Variants in CEP164 observed in about 807,000 individuals in gnomAD.
CEP164 encodes centrosomal protein 164, also known as centrosomal protein of 164 kDa.
Under a neutral mutation model 182.7 loss-of-function variants are expected in CEP164, and 162 were observed. The observed-to-expected ratio is 0.89, with a 90% confidence interval of 0.78 to 1.01. The LOEUF (loss-of-function observed/expected upper bound fraction) is 1.01. Among genes scored for constraint, CEP164 ranks in the 50% least tolerant of loss-of-function variants. CEP164 has a pLI of 0.00. For missense variants in CEP164, 1,735 were observed against 1,790.4 expected (o/e 0.97, Z 0.56); for synonymous variants, 661 against 690.0 (o/e 0.96, Z 0.66).
At chr11:117,380,302 A>T (rs1486279384) in intron 11 of CEP164, among the ~76,000 whole-genome samples, 3 of 152,080 alleles carry the variant, frequency 2.0e-5, no homozygotes, top group Non-Finnish European at 4.4e-5. Context: ...CAGCAGCAGG[A>T]GGCAGGATTT....
rs2047463617 is a variant in CEP164 at position 117,412,524 on chromosome 11, G to C, written c.*356G>C. 4.3e-6 allele frequency: 1 copy of C among 232,510 alleles called. No homozygotes were observed. Among genetic ancestry groups the C allele is most frequent in the Non-Finnish European group, 8.6e-6 (1 of 116,500 alleles). The allele number at this position is 232,510 out of a possible 1,614,324, so 14.4% of individuals were successfully genotyped here. On this transcript the variant is annotated 3_prime_UTR_variant, in exon 33 of 33. Transcript: ENST00000278935. ...CCCTTTGGAGCTGGTTGTTTCCTTG[G>C]CCCTGCAGCGCACTGCTCGGGGCTC...
intron 11 of CEP164, among the ~76,000 whole-genome samples, chr11:117,379,852 CT>C (rs58534321): frequency 0.13 from 15,302 of 116,866 alleles, 1,102 homozygotes; most frequent in Non-Finnish European, 0.18. Context: ...ATAGTTCTTC[CT>C]TTTTTTTTTT....
intron 8 of CEP164, among the ~76,000 whole-genome samples, chr11:117,368,613 C>G (rs1157968266): frequency 6.6e-6 from 1 of 152,180 alleles, no homozygotes; most frequent in Non-Finnish European, 1.5e-5. Context: ...GTTGGCCCTG[C>G]TTGCCGAGTG....
rs1221872173 is a variant in CEP164 at position 117,396,144 on chromosome 11, T to A, written c.3180T>A (p.Asp1060Glu). The A allele has an allele frequency of 6.3e-7, 1 of 1,581,334 alleles. No homozygotes were observed. Among genetic ancestry groups the A allele is most frequent in the African/African-American group, 1.4e-5 (1 of 73,664 alleles). ...ENNASPHFEP[D>E]LHIEDLRKSL... is the part of the protein sequence containing the mutation. Reference sequence around the variant, plus strand: ...ATGCTTCCCCACATTTTGAGCCAGATCTCCATATTGAGGACCTGAGGAAAT... The same window carrying A: ...ATGCTTCCCCACATTTTGAGCCAGAACTCCATATTGAGGACCTGAGGAAAT... The change falls in exon 25 of 33, where the codon GAT (aspartate) becomes GAA (glutamate). Residue 1060 changes from aspartate (D) to glutamate (E), a missense_variant. Coordinates refer to ENST00000278935, the MANE Select transcript of CEP164 (RefSeq NM_014956.5).
intron 4 of CEP164, 91 bp from the exon 5 acceptor site, chr11:117,351,699 C>A: frequency 1.7e-6 from 2 of 1,204,268 alleles, no homozygotes; most frequent in Non-Finnish European, 2.4e-6. Context: ...TCCTCTTTCA[C>A]CTCCTCTCCC....
chr11:117,355,500 C>G, intron 5 of CEP164: 1 of 1,289,132 alleles, frequency 7.8e-7, no homozygotes, highest in Non-Finnish European at 1.0e-6. Flanking sequence ...AAACTGAGCC[C>G]CACTGGCCCT....
At position 117,411,815 on chromosome 11, in the gene CEP164, A is replaced by AG; in HGVS notation, c.4185dup (p.His1396AlafsTer8). ...CCCAGTGAGCAGCTCCGGCTCCTAC[A>AG]GCACTCCCATTCGCAAGTCCCTGAG... is the stretch of plus-strand genomic sequence containing the variant. On this transcript the variant is annotated frameshift_variant, in exon 32 of 33. Coordinates refer to ENST00000278935, the MANE Select transcript of CEP164 (RefSeq NM_014956.5). LOFTEE classifies it high-confidence loss of function. The surrounding 1 kb of genome is among the most constrained non-coding windows in gnomAD (Gnocchi z 4.4). 1 of 1,614,142 alleles carries AG rather than the reference A, an allele frequency of 6.2e-7. No individual in the cohort carries two copies. The highest frequency in any genetic ancestry group is 1.1e-5 in the South Asian group (1 of 91,078).
chr11:117,371,311 G>T lies in CEP164; in HGVS notation c.997G>T (p.Asp333Tyr). 6.2e-7 allele frequency: 1 copy of T among 1,614,212 alleles called. No individual in the cohort carries two copies. Among genetic ancestry groups the T allele is most frequent in the Non-Finnish European group, 8.5e-7 (1 of 1,180,032 alleles). ...CAGGAATCTGGTGACCCCCAAGGCA[G>T]ACCCTACAGGCAGTGAGCCTGCCAA... is the stretch of plus-strand genomic sequence containing the variant. ...ICRNLVTPKA[D>Y]PTGSEPAKAS... is the part of the protein sequence containing the mutation. The change falls in exon 9 of 33, where the codon GAC becomes TAC. Residue 333 changes from aspartate to tyrosine, a missense_variant. Coordinates refer to ENST00000278935, the MANE Select transcript of CEP164 (RefSeq NM_014956.5).
At chr11:117,330,240 T>G (rs1366882843) in intron 1 of CEP164, among the ~76,000 whole-genome samples, 1 of 152,188 alleles carries the variant, frequency 6.6e-6, no homozygotes, top group Non-Finnish European at 1.5e-5. Flanking sequence ...TGTAACACAT[T>G]TTGTAGTCAT....
At position 117,410,893 on chromosome 11, in the gene CEP164, A is replaced by G. The variant is rs770359032; in HGVS notation, c.4162A>G (p.Ser1388Gly). Residue 1388 changes from serine (S) to glycine (G), a missense_variant and splice_region_variant, in exon 31 of 33, where the codon AGT becomes GGT. By Grantham distance (56) the Ser-to-Gly change is moderately conservative (BLOSUM62 0). Coordinates refer to ENST00000278935, the MANE Select transcript of CEP164 (RefSeq NM_014956.5). ...GAGCAGGCTGGGTTACATGTCTGCC[A>G]GGTGAGCCTCCCTGGGGGCTGGTTG... ...LESRLGYMSA[S>G]EQLRLLQHSH... 9.3e-6 allele frequency: 15 copies of G among 1,612,818 alleles called. No homozygotes were observed. Among genetic ancestry groups the G allele is most frequent in the Non-Finnish European group, 8.5e-6 (10 of 1,179,488 alleles).
At chr11:117,366,476 T>C (rs1410252510) in intron 8 of CEP164, among the ~76,000 whole-genome samples, 1 of 151,814 alleles carries the variant, frequency 6.6e-6, no homozygotes, top group East Asian at 1.9e-4. Flanking sequence ...GAGAGAGAGG[T>C]TCATGGAACC....
intron 13 of CEP164, 44 bp downstream of exon 13, chr11:117,381,912 G>A: frequency 1.4e-6 from 2 of 1,446,876 alleles, no homozygotes; most frequent in Non-Finnish European, 1.8e-6. Context: ...AGGGCTGGTG[G>A]CTGCTCTGTG....
At chr11:117,327,604 T>C (rs1231054065), upstream of CEP164, among the ~76,000 whole-genome samples, 1 of 152,016 alleles carries the variant, frequency 6.6e-6, no homozygotes, top group Non-Finnish European at 1.5e-5. Flanking sequence ...GCCCAGCCGA[T>C]GAGGTTCTCT....
intron 11 of CEP164, among the ~76,000 whole-genome samples, chr11:117,376,003 A>G (rs1311929592): frequency 1.3e-5 from 2 of 152,116 alleles, no homozygotes; most frequent in Non-Finnish European, 2.9e-5. Flanking sequence ...TCCACCATGT[A>G]TTTATCCATT....
upstream of CEP164, among the ~76,000 whole-genome samples, chr11:117,324,728 G>A (rs1055064755): frequency 1.3e-5 from 2 of 152,026 alleles, no homozygotes; most frequent in African/African-American, 4.8e-5. Flanking sequence ...AGGGCTGGGC[G>A]TGGTGGCTCA....
intron 2 of CEP164, chr11:117,336,464 C>G: frequency 6.7e-7 from 1 of 1,482,860 alleles, no homozygotes; most frequent in Non-Finnish European, 9.3e-7. Context: ...GGGGCCCCAC[C>G]TGGGAGGAAA....
At chr11:117,408,296 A>G (rs1438192216) in intron 28 of CEP164, among the ~76,000 whole-genome samples, 1 of 152,200 alleles carries the variant, frequency 6.6e-6, no homozygotes, top group African/African-American at 2.4e-5. Flanking sequence ...GAAGAGGGCC[A>G]AGCCTTTACC....
rs778092233 is a variant in CEP164 at position 117,387,437 on chromosome 11, C to G, written c.1934+25C>G. The G allele has an allele frequency of 5.5e-5, 88 of 1,607,700 alleles. No individual in the cohort carries two copies. In the Admixed American group the frequency reaches 1.4e-3, roughly 26 times the overall value. On this transcript the variant is annotated intron_variant, in intron 15 of 32. Coordinates refer to ENST00000278935, the MANE Select transcript of CEP164 (RefSeq NM_014956.5). ...GGTCCTGCCCTTCCCCTTAGGCATG[C>G]TTCCTGGGGCCTTTCAGGGATGTGA...
At chr11:117,410,957 C>T in intron 31 of CEP164, 63 bp downstream of exon 31, 3 of 1,481,638 alleles carry the variant, frequency 2.0e-6, no homozygotes, top group Non-Finnish European at 1.9e-6. Context: ...CTGTGCCTCC[C>T]TGGGCAGGTG....
Sources: gnomAD v4.1 joint callset for allele counts (sites outside exome capture counted in the v4.1 genomes callset) on GRCh38, gnomAD v4.1.1 for gene constraint, Gnocchi (gnomAD v3.1) non-coding constraint, MANE v1.5 for transcripts, NCBI Gene and HGNC (gene_info 2026-07-23, HGNC 2026-07-21) for gene names.